SLC39A11: variants seen among roughly 807,000 people sequenced by gnomAD.
SLC39A11 encodes the protein zinc transporter ZIP11.
A neutral mutation model predicts 36.1 loss-of-function variants in SLC39A11; 33 were observed. The ratio of observed to expected loss-of-function variants is 0.91; its 90% CI spans 0.69 to 1.22. SLC39A11 has a LOEUF of 1.22. SLC39A11 is among the 50% of genes most tolerant of loss of function. SLC39A11 has a pLI of 0.00. For synonymous variants in SLC39A11, 166 were observed against 170.3 expected, an observed-to-expected ratio of 0.97 and a Z score of 0.20; for missense variants, 432 against 430.3, an observed-to-expected ratio of 1.00 and a Z score of -0.03.
intron 3 of SLC39A11, among the ~76,000 whole-genome samples, chr17:73,079,572 CT>C (rs958192050): frequency 3.2e-4 from 48 of 152,142 alleles, no homozygotes; most frequent in African/African-American, 1.1e-3. Context: ...AGCATTCCCC[CT>C]GGGAAATGGA....
chr17:72,653,273 T>C (rs2037702370), intron 7 of SLC39A11, among the ~76,000 whole-genome samples: 1 of 151,270 alleles, frequency 6.6e-6, no homozygotes, highest in South Asian at 2.1e-4. Context: ...CCCCCCTATT[T>C]TTTTTTTGTA....
intron 4 of SLC39A11, among the ~76,000 whole-genome samples, chr17:73,025,472 G>T (rs1183014596): frequency 2.0e-5 from 3 of 152,218 alleles, no homozygotes; most frequent in South Asian, 2.1e-4. Context: ...GCAAACATAT[G>T]TAAAAGCACA....
intron 6 of SLC39A11, among the ~76,000 whole-genome samples, chr17:72,798,524 C>A (rs2567496): frequency 6.6e-6 from 1 of 150,650 alleles, no homozygotes; most frequent in Non-Finnish European, 1.5e-5. Context: ...TGCAATTCTC[C>A]GACCTCAGCC....
At position 72,950,682 on chromosome 17, in the gene SLC39A11, A is replaced by G. The variant is rs369433093; in HGVS notation, c.307-2807T>C. 2.8e-4 allele frequency among the ~76,000 whole-genome samples: 42 copies of G among 152,336 alleles called. 1 individual carries two copies. In the South Asian group the frequency reaches 4.6e-3, roughly 17 times the overall value. On this transcript the variant is annotated intron_variant, in intron 4 of 9. Coordinates refer to ENST00000255559, the MANE Select transcript of SLC39A11 (RefSeq NM_139177.4). Reference sequence around the variant, plus strand: ...TGGGGGAAGGAATAAAAGGAGAACCATTTCATTACAGAAGAAATGCCGCAG... The same window carrying G: ...TGGGGGAAGGAATAAAAGGAGAACCGTTTCATTACAGAAGAAATGCCGCAG...
At chr17:72,909,826 A>G (rs2082880887) in intron 5 of SLC39A11, among the ~76,000 whole-genome samples, 1 of 148,624 alleles carries the variant, frequency 6.7e-6, no homozygotes, top group South Asian at 2.1e-4. Flanking sequence ...GCTCACTGCA[A>G]CCTCCGCTTC....
At chr17:72,649,405 G>C (rs1357897470) in intron 7 of SLC39A11, 137 bp from the exon 8 acceptor site, 2 of 684,188 alleles carry the variant, frequency 2.9e-6, no homozygotes, top group Admixed American at 5.5e-5. Context: ...AGGAGAGGAA[G>C]GAGAAAGGTC....
chr17:72,911,146 C>T (rs1256061530), intron 5 of SLC39A11, among the ~76,000 whole-genome samples: 2 of 151,960 alleles, frequency 1.3e-5, no homozygotes, highest in African/African-American at 2.4e-5. Flanking sequence ...AAAATAATAT[C>T]GCTGCCTCCA....
intron 5 of SLC39A11, among the ~76,000 whole-genome samples, chr17:72,909,431 C>T (rs533032777): frequency 1.2e-3 from 178 of 152,314 alleles, no homozygotes; most frequent in African/African-American, 4.2e-3. Flanking sequence ...ATTATTAGCA[C>T]CCATCAGACG....
At chr17:72,907,760 CA>C (rs575468448) in intron 5 of SLC39A11, among the ~76,000 whole-genome samples, 51 of 152,340 alleles carry the variant, frequency 3.3e-4, no homozygotes, top group African/African-American at 1.2e-3. Flanking sequence ...CCTCCTACTG[CA>C]GATAAAGCCA....
intron 4 of SLC39A11, among the ~76,000 whole-genome samples, chr17:73,004,163 AAAAGAAAG>A (rs1268703786): frequency 0.015 from 1,465 of 100,290 alleles, 61 homozygotes; most frequent in Middle Eastern, 0.025. Context: ...AAGAAGGAAA[AAAAGAAAG>A]AAAGAAAGAA....
intron 6 of SLC39A11, among the ~76,000 whole-genome samples, chr17:72,845,717 A>C (rs535636364): frequency 6.6e-6 from 1 of 152,226 alleles, no homozygotes; most frequent in Non-Finnish European, 1.5e-5. Context: ...ACCCAAGTAC[A>C]TGGAATACAA....
chr17:72,750,266 G>A (rs914159302), intron 6 of SLC39A11, among the ~76,000 whole-genome samples: 1 of 152,112 alleles, frequency 6.6e-6, no homozygotes, highest in Non-Finnish European at 1.5e-5. Context: ...CTGGGTCCCA[G>A]GTTGGACCCG....
At chr17:72,673,039 C>T (rs988525007) in intron 7 of SLC39A11, among the ~76,000 whole-genome samples, 1 of 152,158 alleles carries the variant, frequency 6.6e-6, no homozygotes, top group Non-Finnish European at 1.5e-5. Flanking sequence ...TGAAGATACC[C>T]GGCCCTTAAA....
intron 6 of SLC39A11, among the ~76,000 whole-genome samples, chr17:72,804,058 T>C (rs947673343): frequency 3.9e-5 from 6 of 151,942 alleles, no homozygotes; most frequent in Non-Finnish European, 8.8e-5. Context: ...TGCACTGGCG[T>C]GATCTCCGCT....
At chr17:72,709,423 C>T (rs953810502) in intron 7 of SLC39A11, among the ~76,000 whole-genome samples, 1 of 152,174 alleles carries the variant, frequency 6.6e-6, no homozygotes, top group Admixed American at 6.5e-5. Flanking sequence ...TAGGTGTGCT[C>T]ACCAATTGGC....
At chr17:73,044,485 G>T (rs760484830) in intron 3 of SLC39A11, among the ~76,000 whole-genome samples, 4 of 152,198 alleles carry the variant, frequency 2.6e-5, no homozygotes, top group Non-Finnish European at 5.9e-5. Flanking sequence ...AAGCACAAGG[G>T]TATGCAAAAC....
In SLC39A11 at chr17:73,031,623, G is replaced by A; in HGVS notation, c.239C>T (p.Pro80Leu). 1.2e-6 allele frequency: 2 copies of A among 1,614,196 alleles called. No homozygotes were observed. Among genetic ancestry groups the A allele is most frequent in the Non-Finnish European group, 1.7e-6 (2 of 1,180,040 alleles). ...SGGFGAFAFF[P>L]VAVGFTLGAA... is the part of the protein sequence containing the mutation. ...TCCAAGGGTGAAGCCAACAGCCACA[G>A]GGAAGAAGGCAAAGGCACCGAAGCC... The change falls in exon 4 of 10, where the codon CCT (proline) becomes CTT (leucine). Residue 80 changes from proline (P) to leucine (L), a missense_variant. By Grantham distance (98) the Pro-to-Leu change is moderately conservative. Coordinates refer to ENST00000255559, the MANE Select transcript of SLC39A11 (RefSeq NM_139177.4).
intron 5 of SLC39A11, among the ~76,000 whole-genome samples, chr17:72,937,925 C>T (rs1260290359): frequency 2.0e-5 from 3 of 152,156 alleles, no homozygotes; most frequent in African/African-American, 7.2e-5. Flanking sequence ...ATGCCTCTGC[C>T]TCCCAACAAG....
intron 4 of SLC39A11, among the ~76,000 whole-genome samples, chr17:72,972,542 A>C (rs2087534895): frequency 1.3e-5 from 2 of 152,222 alleles, no homozygotes; most frequent in Admixed American, 6.5e-5. Flanking sequence ...GAGCTAATCA[A>C]TATCCTCTCC....
Sources: gnomAD v4.1 joint callset for allele counts (sites outside exome capture counted in the v4.1 genomes callset) on GRCh38, gnomAD v4.1.1 for gene constraint, MANE v1.5 for transcripts, NCBI Gene and HGNC (gene_info 2026-07-23, HGNC 2026-07-21) for gene names.